CLVS1: variants seen among roughly 807,000 people sequenced by gnomAD.
The protein encoded by CLVS1 is clavesin-1.
In CLVS1, 10 loss-of-function variants were observed where a neutral mutation model predicts 33.1. The ratio of observed to expected loss-of-function variants is 0.30; its 90% CI spans 0.19 to 0.51. The LOEUF (loss-of-function observed/expected upper bound fraction) is 0.51. Among genes scored for constraint, CLVS1 ranks in the 20% least tolerant of loss-of-function variants. CLVS1 has a pLI of 0.97. For missense variants in CLVS1, 343 were observed against 433.4 expected, an observed-to-expected ratio of 0.79 and a Z score of 1.85; for synonymous variants, 163 against 166.1, an observed-to-expected ratio of 0.98 and a Z score of 0.14.
intron 1 of CLVS1, among the ~76,000 whole-genome samples, chr8:61,129,449 T>A (rs1806044078): frequency 6.6e-6 from 1 of 152,224 alleles, no homozygotes; most frequent in Non-Finnish European, 1.5e-5. Context: ...TTTAAATCTG[T>A]CTTTTTTCAA....
At chr8:61,498,170 G>C (rs1563581384) in intron 5 of CLVS1, among the ~76,000 whole-genome samples, 1 of 152,158 alleles carries the variant, frequency 6.6e-6, no homozygotes, top group Non-Finnish European at 1.5e-5. Context: ...AAGCACCTCT[G>C]ACACTCTTAC....
intron 2 of CLVS1, among the ~76,000 whole-genome samples, chr8:61,192,487 A>G (rs529754716): frequency 6.7e-4 from 101 of 151,752 alleles, no homozygotes; most frequent in African/African-American, 2.4e-3. Flanking sequence ...AGACTAAAAC[A>G]TAAAAGCAAT....
At chr8:61,334,985 G>A (rs1256272972) in intron 2 of CLVS1, among the ~76,000 whole-genome samples, 1 of 152,180 alleles carries the variant, frequency 6.6e-6, no homozygotes, top group Non-Finnish European at 1.5e-5. Context: ...TAGGTAGGGG[G>A]AAACCAGTGA....
intron 2 of CLVS1, among the ~76,000 whole-genome samples, chr8:61,155,553 A>AT (rs34967692): frequency 0.4 from 61,094 of 150,960 alleles, 15,180 homozygotes; most frequent in Middle Eastern, 0.65. Flanking sequence ...AGTAGGAACA[A>AT]TTTTTTTTTT....
chr8:61,065,599 T>C (rs1348527249), intron 1 of CLVS1, among the ~76,000 whole-genome samples: 1 of 152,228 alleles, frequency 6.6e-6, no homozygotes, highest in Non-Finnish European at 1.5e-5. Flanking sequence ...GTTGCTCCTA[T>C]TTTTTTAATC....
chr8:61,426,958 C>G (rs1024355153), intron 3 of CLVS1, among the ~76,000 whole-genome samples: 2 of 152,152 alleles, frequency 1.3e-5, no homozygotes, highest in Admixed American at 6.5e-5. Context: ...AGACAGCACA[C>G]ATACATTTGA....
intron 5 of CLVS1, among the ~76,000 whole-genome samples, chr8:61,497,180 T>C (rs1408104963): frequency 6.6e-6 from 1 of 152,090 alleles, no homozygotes; most frequent in Non-Finnish European, 1.5e-5. Flanking sequence ...CTTCCTAACT[T>C]ACTAGAAAGA....
intron 2 of CLVS1, among the ~76,000 whole-genome samples, chr8:61,253,279 C>T (rs1326751980): frequency 1.3e-5 from 2 of 152,186 alleles, no homozygotes; most frequent in East Asian, 1.9e-4. Context: ...AGAGTTTTTG[C>T]CAAGAGATCA....
chr8:61,115,664 GTT>G (rs1805707640), intron 1 of CLVS1, among the ~76,000 whole-genome samples: 2 of 151,456 alleles, frequency 1.3e-5, no homozygotes, highest in East Asian at 3.9e-4. Flanking sequence ...TGAGAATGAT[GTT>G]TTCCAATTTC....
chr8:61,251,024 C>T (rs539178615), intron 2 of CLVS1, among the ~76,000 whole-genome samples: 1 of 152,238 alleles, frequency 6.6e-6, no homozygotes, highest in Non-Finnish European at 1.5e-5. Context: ...CAGTTTTTGC[C>T]CATTCAGTAT....
the CLVS1 span, among the ~76,000 whole-genome samples, chr8:60,973,375 AT>A: frequency 6.6e-6 from 1 of 152,084 alleles, no homozygotes; most frequent in East Asian, 1.9e-4. Context: ...AGTTTCCAAA[AT>A]TTTTTTCTGT....
At chr8:61,253,113 C>T (rs912874869) in intron 2 of CLVS1, among the ~76,000 whole-genome samples, 4 of 152,126 alleles carry the variant, frequency 2.6e-5, no homozygotes, top group African/African-American at 9.7e-5. Context: ...TAGGGCAGGC[C>T]TGGTGGTGAC....
At chr8:61,404,166 A>G (rs944045342) in intron 3 of CLVS1, among the ~76,000 whole-genome samples, 3 of 152,142 alleles carry the variant, frequency 2.0e-5, no homozygotes, top group Non-Finnish European at 4.4e-5. Context: ...GCTCCTCTGG[A>G]AAAGCATCCC....
chr8:61,012,393 T>C, the CLVS1 span, among the ~76,000 whole-genome samples: 3 of 152,236 alleles, frequency 2.0e-5, no homozygotes, highest in South Asian at 4.1e-4. Flanking sequence ...ATATCATTTT[T>C]CCCAATGCTA....
intron 1 of CLVS1, among the ~76,000 whole-genome samples, chr8:61,066,445 G>A (rs996002143): frequency 1.3e-5 from 2 of 152,270 alleles, no homozygotes; most frequent in East Asian, 3.9e-4. Flanking sequence ...GCTGCAGTGA[G>A]CTATGATTTA....
intron 2 of CLVS1, among the ~76,000 whole-genome samples, chr8:61,273,278 G>A (rs1186693903): frequency 6.6e-6 from 1 of 152,172 alleles, no homozygotes; most frequent in African/African-American, 2.4e-5. Flanking sequence ...CCCCTGCTGG[G>A]GGGTGCCTCC....
the CLVS1 span, among the ~76,000 whole-genome samples, chr8:61,010,741 C>CT: frequency 1.3e-3 from 191 of 152,366 alleles, 2 homozygotes; most frequent in African/African-American, 4.4e-3. Context: ...AATGGACTTT[C>CT]TACCAGCTCT....
the CLVS1 span, among the ~76,000 whole-genome samples, chr8:61,044,210 C>T: frequency 6.6e-6 from 1 of 152,028 alleles, no homozygotes; most frequent in Non-Finnish European, 1.5e-5. Flanking sequence ...TCTGGAAAGC[C>T]CCCAAAGGAG....
chr8:61,095,572 C>T (rs1379236785), intron 1 of CLVS1, among the ~76,000 whole-genome samples: 1 of 152,178 alleles, frequency 6.6e-6, no homozygotes, highest in East Asian at 1.9e-4. Flanking sequence ...CAGCGACCTA[C>T]TGGTTGATCC....
Sources: gnomAD v4.1 joint callset for allele counts (sites outside exome capture counted in the v4.1 genomes callset) on GRCh38, gnomAD v4.1.1 for gene constraint, MANE v1.5 for transcripts, NCBI Gene and HGNC (gene_info 2026-07-23, HGNC 2026-07-21) for gene names.